Variants in NFIL3 observed in about 807,000 individuals in gnomAD.
The protein encoded by NFIL3 is nuclear factor interleukin-3-regulated protein.
NFIL3 carries 5 observed loss-of-function variants against 10.0 expected under a neutral mutation model. The observed-to-expected ratio is 0.50, with a 90% confidence interval of 0.26 to 1.06. NFIL3 has a LOEUF of 1.06. Among genes scored for constraint, NFIL3 ranks in the 50% least tolerant of loss-of-function variants. The pLI is 0.13. For missense variants in NFIL3, 436 were observed against 547.6 expected (o/e 0.80, Z 2.03); for synonymous variants, 202 against 206.5 (o/e 0.98, Z 0.19).
At chr9:91,434,473 T>C in the NFIL3 span, among the ~76,000 whole-genome samples, 1 of 152,174 alleles carries the variant, frequency 6.6e-6, no homozygotes, top group Non-Finnish European at 1.5e-5. Context: ...ATATTAAAGA[T>C]TTAAGTGTTA....
chr9:91,480,717 C>T, the NFIL3 span, among the ~76,000 whole-genome samples: 1 of 152,102 alleles, frequency 6.6e-6, no homozygotes, highest in Non-Finnish European at 1.5e-5. Context: ...ATCTATGGAC[C>T]AAGAAGACCT....
rs139322806 is a variant in NFIL3 at position 91,421,816 on chromosome 9, C to CA, written c.-173+1823dup. On this transcript the variant is annotated intron_variant, in intron 1 of 1. Coordinates refer to ENST00000297689, the MANE Select transcript of NFIL3 (RefSeq NM_005384.3). ...AGAGACGTCCACCCCCCACCTCCCA[C>CA]AAAAAAAAACCCTGCACTTAATTTA... Among the ~76,000 whole-genome samples the CA allele has an allele frequency of 7.4e-3, 1,117 of 151,120 alleles. 44 individuals carry two copies. The East Asian group carries it at 0.12, about 16-fold the overall frequency.
At chr9:91,460,561 G>A in the NFIL3 span, among the ~76,000 whole-genome samples, 2 of 152,100 alleles carry the variant, frequency 1.3e-5, no homozygotes, top group Non-Finnish European at 1.5e-5. Flanking sequence ...ACGGGTGTGA[G>A]CCACCACGCC....
the NFIL3 span, among the ~76,000 whole-genome samples, chr9:91,467,861 T>G: frequency 6.6e-6 from 1 of 152,224 alleles, no homozygotes; most frequent in Non-Finnish European, 1.5e-5. Context: ...ATAAAAGACA[T>G]GAACTCATCC....
At chr9:91,464,519 A>G in the NFIL3 span, among the ~76,000 whole-genome samples, 2 of 152,042 alleles carry the variant, frequency 1.3e-5, no homozygotes, top group Non-Finnish European at 1.5e-5. Context: ...CAATGTTATT[A>G]TTGTTACTTT....
At chr9:91,442,917 G>A in the NFIL3 span, among the ~76,000 whole-genome samples, 20 of 152,174 alleles carry the variant, frequency 1.3e-4, no homozygotes, top group Non-Finnish European at 1.8e-4. Context: ...TTGTGTTACA[G>A]CACTTTCAGT....
the NFIL3 span, among the ~76,000 whole-genome samples, chr9:91,477,054 A>G: frequency 2.6e-5 from 4 of 152,152 alleles, no homozygotes; most frequent in African/African-American, 9.7e-5. Context: ...GCCTTAAGAC[A>G]ATTCCCATTT....
At chr9:91,440,198 A>G in the NFIL3 span, among the ~76,000 whole-genome samples, 4 of 151,946 alleles carry the variant, frequency 2.6e-5, no homozygotes, top group African/African-American at 9.7e-5. Context: ...CTTTGTTATT[A>G]TTCTGTTCAA....
chr9:91,482,103 C>G, the NFIL3 span, among the ~76,000 whole-genome samples: 2 of 152,102 alleles, frequency 1.3e-5, no homozygotes, highest in Non-Finnish European at 2.9e-5. Flanking sequence ...CCGGCAATAT[C>G]CATTAAAAAG....
the NFIL3 span, among the ~76,000 whole-genome samples, chr9:91,444,248 T>C: frequency 1.3e-5 from 2 of 152,164 alleles, no homozygotes; most frequent in Non-Finnish European, 2.9e-5. Flanking sequence ...TTGATCAAAT[T>C]CTTTAATTCT....
chr9:91,479,467 A>G, the NFIL3 span, among the ~76,000 whole-genome samples: 6 of 152,334 alleles, frequency 3.9e-5, no homozygotes, highest in East Asian at 1.2e-3. Context: ...CGCCTACTCA[A>G]GCCTCAGTAA....
At chr9:91,432,564 C>T in the NFIL3 span, among the ~76,000 whole-genome samples, 1 of 152,218 alleles carries the variant, frequency 6.6e-6, no homozygotes, top group African/African-American at 2.4e-5. Flanking sequence ...AGATGACTCT[C>T]AGTCTTGCAG....
At chr9:91,411,911 GCCAACATGGTGAAACC>G (rs1310680972) in intron 1 of NFIL3, among the ~76,000 whole-genome samples, 5 of 151,758 alleles carry the variant, frequency 3.3e-5, no homozygotes. Context: ...GACCATCCTG[GCCAACATGGTGAAACC>G]CCATCTCTAC....
chr9:91,463,994 T>C, the NFIL3 span, among the ~76,000 whole-genome samples: 1 of 152,126 alleles, frequency 6.6e-6, no homozygotes, highest in African/African-American at 2.4e-5. Flanking sequence ...GTTAATATGG[T>C]ATATCATTCC....
At chr9:91,473,333 A>T in the NFIL3 span, among the ~76,000 whole-genome samples, 1 of 152,378 alleles carries the variant, frequency 6.6e-6, no homozygotes, top group South Asian at 2.1e-4. Flanking sequence ...AAAGGCAGGC[A>T]GTCCTCGTTG....
rs758519888 is a variant in NFIL3 at position 91,410,170 on chromosome 9, C to T, written c.565G>A (p.Asp189Asn). The change falls in exon 2 of 2, where the codon GAT becomes AAT. Residue 189 changes from aspartate to asparagine, a missense_variant. Asp to Asn is a conservative substitution (Grantham distance 23). Coordinates refer to ENST00000297689, the MANE Select transcript of NFIL3 (RefSeq NM_005384.3). The surrounding 1 kb of genome is among the most constrained non-coding windows in gnomAD (Gnocchi z 5.7). Reference protein sequence around the residue: ...IKHSPQSSLSDVSEVSSVEHT... With the variant: ...IKHSPQSSLSNVSEVSSVEHT... ...TCTACTGAGGACACTTCTGAAACAT[C>T]GGACAGCGAGCTTTGTGGAGAGTGT... The T allele has an allele frequency of 1.6e-5, 26 of 1,614,014 alleles. No homozygotes were observed. The highest frequency in any genetic ancestry group is 1.6e-4 in the Middle Eastern group (1 of 6,084).
At chr9:91,446,770 C>T in the NFIL3 span, among the ~76,000 whole-genome samples, 2 of 152,004 alleles carry the variant, frequency 1.3e-5, no homozygotes, top group Admixed American at 6.6e-5. Context: ...CCCTCCCTCC[C>T]TTCCTTCCTC....
At chr9:91,474,018 G>A in the NFIL3 span, among the ~76,000 whole-genome samples, 1 of 151,612 alleles carries the variant, frequency 6.6e-6, no homozygotes, top group Admixed American at 6.6e-5. Context: ...GCTTTGCCTT[G>A]TTTCTGACCT....
chr9:91,473,887 A>C, the NFIL3 span, among the ~76,000 whole-genome samples: 2 of 152,236 alleles, frequency 1.3e-5, no homozygotes, highest in Admixed American at 6.5e-5. Context: ...CAATCATGTC[A>C]TCTGTGAACA....
Sources: allele counts gnomAD v4.1 joint callset (sites outside exome capture counted in the v4.1 genomes callset), GRCh38; gene constraint gnomAD v4.1.1; non-coding constraint Gnocchi (gnomAD v3.1); transcripts MANE v1.5; gene names NCBI Gene and HGNC (gene_info 2026-07-23, HGNC 2026-07-21).